Variants in PROX1 observed in about 807,000 individuals in gnomAD.
PROX1 encodes the protein prospero homeobox 1.
In PROX1, 7 loss-of-function variants were observed where a neutral mutation model predicts 58.8. That is an observed-to-expected ratio of 0.12 (90% CI 0.07 to 0.22). The LOEUF (loss-of-function observed/expected upper bound fraction) is 0.22. Ranked by LOEUF, PROX1 falls within the 10% of genes least tolerant of loss-of-function variation. PROX1 has a pLI of 1.00. For synonymous variants in PROX1, 350 were observed against 358.3 expected (o/e 0.98, Z 0.26); for missense variants, 675 against 927.8 (o/e 0.73, Z 3.54).
chr1:214,006,624 T>C (rs1286759408), intron 3 of PROX1, among the ~76,000 whole-genome samples: 2 of 152,254 alleles, frequency 1.3e-5, no homozygotes, highest in South Asian at 4.1e-4. Flanking sequence ...ATACACAAAT[T>C]GAAGGCAATT....
chr1:214,007,348 T>G (rs1442020479), intron 3 of PROX1, among the ~76,000 whole-genome samples: 2 of 152,234 alleles, frequency 1.3e-5, no homozygotes, highest in Non-Finnish European at 2.9e-5. Context: ...TTACTACCAA[T>G]TATCCACTGT....
At chr1:214,020,086 C>T (rs769826436) in intron 4 of PROX1, among the ~76,000 whole-genome samples, 1 of 152,134 alleles carries the variant, frequency 6.6e-6, no homozygotes, top group Non-Finnish European at 1.5e-5. Context: ...TGAAGACTAA[C>T]GTTTTCAAAC....
Position 214,038,782 on chromosome 1 carries a change from T to A in PROX1, c.*2948T>A, listed in dbSNP as rs1664912854. ...ACAGCTGCAATAAACACTAGATTTT[T>A]TTTCTGGCTGTTTGACATAACGTTG... On this transcript the variant is annotated 3_prime_UTR_variant, in exon 5 of 5. Transcript: ENST00000366958. The A allele has an allele frequency of 6.6e-6, 1 of 152,262 alleles. No individual in the cohort carries two copies. The allele number at this position is 152,262 out of a possible 1,614,324, so 9.4% of individuals were successfully genotyped here.
intron 1 of PROX1, among the ~76,000 whole-genome samples, chr1:213,989,031 TTTGTC>T (rs1662918779): frequency 6.6e-6 from 1 of 151,872 alleles, no homozygotes; most frequent in Non-Finnish European, 1.5e-5. Flanking sequence ...GTCCTTTCTC[TTTGTC>T]TTGTTTATTA....
chr1:214,026,278 A>T (rs1168963877), intron 4 of PROX1, among the ~76,000 whole-genome samples: 2 of 152,122 alleles, frequency 1.3e-5, no homozygotes, highest in African/African-American at 2.4e-5. Context: ...TAATACCAAG[A>T]CCTCCATGTG....
rs1664936555 is a variant in PROX1 at position 214,039,532 on chromosome 1, C to T, written c.*3698C>T. The T allele has an allele frequency of 6.6e-6, 1 of 152,148 alleles. No homozygotes were observed. Among genetic ancestry groups the T allele is most frequent in the African/African-American group, 2.4e-5 (1 of 41,418 alleles). The allele number at this position is 152,148 out of a possible 1,614,324, so 9.4% of individuals were successfully genotyped here. ...GCAATGTAAATATTTAACCTCATGG[C>T]TGTCATTATGTAAGACATGAGATTT... is the stretch of plus-strand genomic sequence containing the variant. On this transcript the variant is annotated 3_prime_UTR_variant, in exon 5 of 5. Coordinates refer to ENST00000366958, the MANE Select transcript of PROX1 (RefSeq NM_001270616.2).
chr1:214,013,897 T>C (rs1664004321), intron 4 of PROX1, among the ~76,000 whole-genome samples: 2 of 152,166 alleles, frequency 1.3e-5, no homozygotes. Flanking sequence ...TGGATCTGAT[T>C]CCTCCTTCAG....
chr1:214,009,372 C>T (rs1663829018), intron 3 of PROX1, among the ~76,000 whole-genome samples: 1 of 152,146 alleles, frequency 6.6e-6, no homozygotes, highest in Non-Finnish European at 1.5e-5. Flanking sequence ...AACAATTGAT[C>T]CTTTTCTTGT....
chr1:214,028,998 T>C (rs1664554138), intron 4 of PROX1: 1 of 152,252 alleles, frequency 6.6e-6, no homozygotes, highest in Non-Finnish European at 1.5e-5. Flanking sequence ...GAGGAGTTAC[T>C]AAAGCATCTG....
At chr1:214,035,036 G>T (rs1664784339) in intron 4 of PROX1, among the ~76,000 whole-genome samples, 1 of 151,908 alleles carries the variant, frequency 6.6e-6, no homozygotes, top group Non-Finnish European at 1.5e-5. Flanking sequence ...TAATATTTTA[G>T]GATCAGTTTT....
At chr1:214,012,003 C>A (rs142187817) in intron 4 of PROX1, among the ~76,000 whole-genome samples, 1 of 152,172 alleles carries the variant, frequency 6.6e-6, no homozygotes, top group African/African-American at 2.4e-5. Flanking sequence ...TGGCAGCAAG[C>A]AGCAAAGACA....
chr1:213,994,494 T>A (rs1248925239), intron 1 of PROX1, among the ~76,000 whole-genome samples: 4 of 152,026 alleles, frequency 2.6e-5, no homozygotes, highest in Non-Finnish European at 5.9e-5. Flanking sequence ...TCCTTTTTCT[T>A]GTCTCAGCCT....
chr1:214,031,066 T>TGTGTGTGTGCGCGC (rs1231686198), intron 4 of PROX1, among the ~76,000 whole-genome samples: 11 of 95,070 alleles, frequency 1.2e-4, no homozygotes, highest in Non-Finnish European at 4.9e-5. Flanking sequence ...TGTGTGTGTG[T>TGTGTGTGTGCGCGC]GCGCGCGCGC....
rs1665000251 is a variant in PROX1 at position 214,041,382 on chromosome 1, C to T, written c.*5548C>T. On this transcript the variant is annotated 3_prime_UTR_variant, in exon 5 of 5. Transcript: ENST00000366958. ...TTTTCTTTCACTACAATTCTTCATT[C>T]TGTTAGCCTAACGTGCAGCTCCTAG... 1 of 151,888 alleles carries T rather than the reference C, an allele frequency of 6.6e-6. No individual in the cohort carries two copies. The highest frequency in any genetic ancestry group is 2.4e-5 in the African/African-American group (1 of 41,378). The allele number at this position is 151,888 out of a possible 1,614,324, so 9.4% of individuals were successfully genotyped here. A position where few individuals can be genotyped will look rare whatever the true frequency, so the allele number is the denominator to read the frequency against.
At chr1:214,000,279 C>A (rs1302341591) in intron 2 of PROX1, among the ~76,000 whole-genome samples, 2 of 152,072 alleles carry the variant, frequency 1.3e-5, no homozygotes, top group Admixed American at 1.3e-4. Flanking sequence ...GGAAAAAAAT[C>A]TTTTAGATTG....
rs746376255 is a variant in PROX1 at position 214,035,879 on chromosome 1, C to T, written c.*45C>T. The T allele has an allele frequency of 1.2e-5, 18 of 1,522,426 alleles. No individual in the cohort carries two copies. Among genetic ancestry groups the T allele is most frequent in the Admixed American group, 5.8e-5 (3 of 51,944 alleles). The allele number at this position is 1,522,426 out of a possible 1,614,324, so 94.3% of individuals were successfully genotyped here. ...TGAATGTATGAAGAGTAGCAGTCCC[C>T]TTTGGATGTCCAAGTTATATGTGTC... On this transcript the variant is annotated 3_prime_UTR_variant, in exon 5 of 5. Coordinates refer to ENST00000366958, the MANE Select transcript of PROX1 (RefSeq NM_001270616.2).
intron 4 of PROX1, chr1:214,029,050 C>T (rs1170843338): frequency 2.6e-5 from 4 of 152,188 alleles, no homozygotes; most frequent in Non-Finnish European, 5.9e-5. Context: ...GTGTAAGTCC[C>T]CAGCTTGTGC....
Position 213,996,877 on chromosome 1 carries a change from C to T in PROX1, c.342C>T (p.Ser114=), listed in dbSNP as rs534069610. The T allele has an allele frequency of 1.9e-6, 3 of 1,614,036 alleles. No homozygotes were observed. In the Admixed American group the frequency reaches 5.0e-5, roughly 27 times the overall value. The change falls in exon 2 of 5, where the codon AGC becomes AGT. Residue 114 remains serine, a synonymous_variant. Coordinates refer to ENST00000366958, the MANE Select transcript of PROX1 (RefSeq NM_001270616.2). ...GCACGGAGCCCAGTTTCCAAGCCAG[C>T]GGTCTCTCTAGTACAGGCTCCGAAG... The part of the protein sequence containing the change: ...NGGTEPSFQA[S]GLSSTGSEVH...
At chr1:214,013,214 T>G (rs1358376670) in intron 4 of PROX1, among the ~76,000 whole-genome samples, 1 of 152,118 alleles carries the variant, frequency 6.6e-6, no homozygotes. Context: ...ACTGCTCCAC[T>G]ATTTTAAAAT....
Sources: allele counts gnomAD v4.1 joint callset (sites outside exome capture counted in the v4.1 genomes callset), GRCh38; gene constraint gnomAD v4.1.1; transcripts MANE v1.5; gene names NCBI Gene and HGNC (gene_info 2026-07-23, HGNC 2026-07-21).